Variants in DNAH5 observed in about 807,000 individuals in gnomAD.
DNAH5 encodes axonemal beta dynein heavy chain 5.
DNAH5 carries 372 observed loss-of-function variants against 518.2 expected under a neutral mutation model. The ratio of observed to expected loss-of-function variants is 0.72; its 90% confidence interval spans 0.66 to 0.78. DNAH5 has a LOEUF of 0.78. Among genes scored for constraint, DNAH5 ranks in the 30% least tolerant of loss-of-function variants. DNAH5 has a pLI of 0.00. For missense variants in DNAH5, 5,523 were observed against 5,687.0 expected (o/e 0.97, Z 0.93); for synonymous variants, 2,039 against 2,025.9 (o/e 1.01, Z -0.17).
In DNAH5 at chr5:13,983,998, C is replaced by G. The variant is rs967374173; in HGVS notation, c.12+27650G>C. The stretch of plus-strand genomic sequence containing the variant: ...TAGGTGGGAGGTGGAAGTAGAGTTG[C>G]TAATCAGCTGATTTACAAATGGAGA... On this transcript the variant is annotated intron_variant, in intron 1 of 78. Transcript: ENST00000681290. 4.6e-5 allele frequency among the ~76,000 whole-genome samples: 7 copies of G among 152,156 alleles called. 1 individual carries two copies.
intron 21 of DNAH5, 111 bp from the exon 22 acceptor site, chr5:13,876,928 C>T (rs1770979790): frequency 9.0e-7 from 1 of 1,106,748 alleles, no homozygotes; most frequent in East Asian, 2.5e-5. Context: ...AAATCTTCTC[C>T]TTTATAAAAA....
At chr5:13,968,970 T>C (rs1406452862) in intron 1 of DNAH5, among the ~76,000 whole-genome samples, 1 of 152,196 alleles carries the variant, frequency 6.6e-6, no homozygotes, top group Non-Finnish European at 1.5e-5. Flanking sequence ...GTTGGCAATT[T>C]TTTTATTACC....
intron 30 of DNAH5, among the ~76,000 whole-genome samples, chr5:13,854,308 C>A (rs565377045): frequency 6.6e-6 from 1 of 152,234 alleles, no homozygotes; most frequent in South Asian, 2.1e-4. Flanking sequence ...CCTTTAAAGA[C>A]AAGCAAGTGA....
At chr5:13,766,921 T>C (rs1752586011) in intron 58 of DNAH5, among the ~76,000 whole-genome samples, 1 of 152,186 alleles carries the variant, frequency 6.6e-6, no homozygotes, top group South Asian at 2.1e-4. Flanking sequence ...ACAAATAGTA[T>C]ATATTCCTTC....
At chr5:13,954,071 T>C (rs1780607515) in intron 1 of DNAH5, among the ~76,000 whole-genome samples, 1 of 152,148 alleles carries the variant, frequency 6.6e-6, no homozygotes, top group Non-Finnish European at 1.5e-5. Context: ...GGTGGTAAAA[T>C]ATTTTTTCTA....
chr5:13,877,731 A>G (rs1771088647), intron 21 of DNAH5, among the ~76,000 whole-genome samples: 1 of 152,208 alleles, frequency 6.6e-6, no homozygotes, highest in South Asian at 2.1e-4. Context: ...CTCTCTGTGG[A>G]AATGAGGCTT....
chr5:13,700,901 C>A (rs540753141), intron 77 of DNAH5, 30 bp from the exon 78 acceptor site: 55 of 1,603,500 alleles, frequency 3.4e-5, no homozygotes, highest in African/African-American at 5.4e-5. Context: ...ATGAATGGAG[C>A]GGTTAGAGGT....
chr5:13,833,131 C>A (rs1224435442), intron 35 of DNAH5, among the ~76,000 whole-genome samples: 58 of 140,234 alleles, frequency 4.1e-4, no homozygotes, highest in East Asian at 8.6e-4. Flanking sequence ...ATGTGTTATC[C>A]AAAAAAAAAA....
chr5:13,907,146 C>A (rs915757899), intron 12 of DNAH5, among the ~76,000 whole-genome samples: 1 of 151,978 alleles, frequency 6.6e-6, no homozygotes, highest in African/African-American at 2.4e-5. Flanking sequence ...TCTAGCAGAA[C>A]GAGGCCAGGC....
At chr5:13,897,225 G>C (rs961863822) in intron 15 of DNAH5, among the ~76,000 whole-genome samples, 1 of 152,100 alleles carries the variant, frequency 6.6e-6, no homozygotes, top group Non-Finnish European at 1.5e-5. Flanking sequence ...AGCCACTTTA[G>C]AAAAGTCTAA....
rs889169054 is a variant in DNAH5 at position 13,775,420 on chromosome 5, GGATA to G, written c.9373+1015_9373+1018del. ...ATAAATAGATGATGGATAGATGGAT[GGATA>G]GATAATAGACAGATAAAGATAGATG... On this transcript the variant is annotated intron_variant, in intron 55 of 78. Coordinates refer to ENST00000265104, the MANE Select transcript of DNAH5 (RefSeq NM_001369.3). Among the ~76,000 whole-genome samples, 78 of 152,000 alleles carry G rather than the reference GGATA, an allele frequency of 5.1e-4. 1 individual carries two copies. The highest frequency in any genetic ancestry group is 1.5e-3 in the African/African-American group (62 of 41,474).
chr5:13,790,903 C>T (rs1470234395), intron 50 of DNAH5, among the ~76,000 whole-genome samples: 1 of 152,036 alleles, frequency 6.6e-6, no homozygotes, highest in East Asian at 1.9e-4. Flanking sequence ...AAATGGCAGA[C>T]ACTGGGGTCT....
chr5:13,830,425 TCAGGAGGAAGTAACATTTGGTCCACA>T lies in DNAH5; in HGVS notation c.6061+146_6061+171del, dbSNP rs1402958843. Among the ~76,000 whole-genome samples the T allele has an allele frequency of 1.8e-4, 28 of 152,090 alleles. No individual in the cohort carries two copies. The East Asian group carries it at 5.0e-3, about 27-fold the overall frequency. Reference sequence around the variant, plus strand: ...AAGATAAAGGAATATCAAAAAAAAGTCAGGAGGAAGTAACATTTGGTCCACACAACCTGGCAAGATTGAAGATTTTC... The same window carrying T: ...AAGATAAAGGAATATCAAAAAAAAGTCAACCTGGCAAGATTGAAGATTTTC... On this transcript the variant is annotated intron_variant, in intron 36 of 78. Transcript: ENST00000265104.
chr5:13,935,638 C>T (rs16902957), intron 1 of DNAH5, among the ~76,000 whole-genome samples: 60,698 of 151,964 alleles, frequency 0.4, 13,448 homozygotes, highest in East Asian at 0.7. Context: ...CCTGGGAATA[C>T]TGAAATTGCT....
Position 13,922,153 on chromosome 5 carries a change from C to A in DNAH5, c.614G>T (p.Gly205Val). 6.2e-7 allele frequency: 1 copy of A among 1,614,098 alleles called. No individual in the cohort carries two copies. The highest frequency in any genetic ancestry group is 8.5e-7 in the Non-Finnish European group (1 of 1,179,986). ...TGCACCCGACAGGACGTTCACAAAGCCTTCCAGGGAGCTCAAGAACTCCTG... is the reference window on the plus strand; with the variant it reads ...TGCACCCGACAGGACGTTCACAAAGACTTCCAGGGAGCTCAAGAACTCCTG... ...IRQEFLSSLE[G>V]FVNVLSGAQE... Residue 205 changes from glycine (G) to valine (V), a missense_variant, in exon 5 of 79, where the codon GGC (glycine) becomes GTC (valine). Around this residue, in one of 3 missense-constraint regions of DNAH5, gnomAD observed 5,121 missense variants for 5,223.3 expected, o/e 0.98. Coordinates refer to ENST00000265104, the MANE Select transcript of DNAH5 (RefSeq NM_001369.3).
chr5:13,794,076 A>G lies in DNAH5; in HGVS notation c.7888-18T>C. On this transcript the variant is annotated intron_variant, in intron 47 of 78. Coordinates refer to ENST00000265104, the MANE Select transcript of DNAH5 (RefSeq NM_001369.3). Reference sequence around the variant, plus strand: ...ATCGTCCTCTGTGAAAAAAAAATCAACTGAAACATCTGTGAAAATATCCCC... The same window carrying G: ...ATCGTCCTCTGTGAAAAAAAAATCAGCTGAAACATCTGTGAAAATATCCCC... 1 of 1,614,038 alleles carries G rather than the reference A, an allele frequency of 6.2e-7. No individual in the cohort carries two copies. Among genetic ancestry groups the G allele is most frequent in the Admixed American group, 1.7e-5 (1 of 60,016 alleles).
chr5:13,701,583 T>C (rs567047495), intron 76 of DNAH5, 147 bp from the exon 77 acceptor site: 2 of 762,668 alleles, frequency 2.6e-6, no homozygotes, highest in Non-Finnish European at 4.3e-6. Flanking sequence ...TTTCCCTGGA[T>C]TCTGGCGTAA....
intron 68 of DNAH5, among the ~76,000 whole-genome samples, chr5:13,732,262 G>A (rs986611209): frequency 2.0e-5 from 3 of 152,180 alleles, no homozygotes; most frequent in Non-Finnish European, 4.4e-5. Context: ...GGAATTCCAA[G>A]TTCAAGGCAC....
chr5:13,995,237 C>T (rs528070845), intron 1 of DNAH5, among the ~76,000 whole-genome samples: 1 of 152,354 alleles, frequency 6.6e-6, no homozygotes, highest in African/African-American at 2.4e-5. Context: ...CACATTGCCA[C>T]ATACAGTGCA....
Sources: allele counts gnomAD v4.1 joint callset (sites outside exome capture counted in the v4.1 genomes callset), GRCh38; gene constraint gnomAD v4.1.1; regional missense constraint gnomAD v4.1.1; transcripts MANE v1.5; gene names NCBI Gene and HGNC (gene_info 2026-07-23, HGNC 2026-07-21).